Variants in SLC22A23 observed in about 807,000 individuals in gnomAD.
The protein encoded by SLC22A23 is ion transporter protein.
In SLC22A23, 26 loss-of-function variants were observed where a neutral mutation model predicts 61.0. That is an observed-to-expected ratio of 0.43 (90% CI 0.31 to 0.59). The LOEUF is 0.59. Among genes scored for constraint, SLC22A23 ranks in the 20% least tolerant of loss-of-function variants. SLC22A23 has a pLI of 0.11. For synonymous variants in SLC22A23, 430 were observed against 413.9 expected (o/e 1.04, Z -0.47); for missense variants, 796 against 934.7 (o/e 0.85, Z 1.94).
intron 8 of SLC22A23, 60 bp downstream of exon 8, chr6:3,285,019 A>G (rs1759846585): frequency 6.3e-7 from 1 of 1,598,246 alleles, no homozygotes; most frequent in Non-Finnish European, 8.5e-7. Flanking sequence ...GTCTTCGAGA[A>G]AACACCCATT....
chr6:3,349,505 G>A (rs1373358681), intron 3 of SLC22A23, among the ~76,000 whole-genome samples: 1 of 152,190 alleles, frequency 6.6e-6, no homozygotes, highest in African/African-American at 2.4e-5. Flanking sequence ...TGCAGGCCCT[G>A]AATTATTATA....
At chr6:3,398,454 A>ATTTT (rs1219591163) in intron 3 of SLC22A23, among the ~76,000 whole-genome samples, 1 of 127,248 alleles carries the variant, frequency 7.9e-6, no homozygotes, top group Non-Finnish European at 1.7e-5. Context: ...ACAAAGCACT[A>ATTTT]TTTTTTTTTT....
chr6:3,441,704 T>A (rs77008408), intron 1 of SLC22A23, among the ~76,000 whole-genome samples: 6,652 of 152,206 alleles, frequency 0.044, 209 homozygotes, highest in Non-Finnish European at 0.059. Context: ...ATGTGCTCGG[T>A]TCACCCCCCA....
At chr6:3,426,248 A>C (rs907660944) in intron 1 of SLC22A23, among the ~76,000 whole-genome samples, 1 of 152,250 alleles carries the variant, frequency 6.6e-6, no homozygotes, top group Non-Finnish European at 1.5e-5. Context: ...ATTCAGAATT[A>C]AAAAAGCTTA....
At position 3,273,538 on chromosome 6, in the gene SLC22A23, C is replaced by A. The variant is rs572039165; in HGVS notation, c.1704-126G>T. The A allele has an allele frequency of 4.7e-5, 46 of 977,982 alleles. No homozygotes were observed. In the African/African-American group the frequency reaches 6.4e-4, roughly 14 times the overall value. The allele number at this position is 977,982 out of a possible 1,614,324, so 60.6% of individuals were successfully genotyped here. A position where few individuals can be genotyped will look rare whatever the true frequency, so the allele number is the denominator to read the frequency against. Reference sequence around the variant, plus strand: ...GCTGCCCTGGGCACTGCCCAGTATACCCCGACCTCACACGTCCCATGTCAC... The same window carrying A: ...GCTGCCCTGGGCACTGCCCAGTATAACCCGACCTCACACGTCCCATGTCAC... On this transcript the variant is annotated intron_variant, in intron 9 of 9. Coordinates refer to ENST00000406686, the MANE Select transcript of SLC22A23 (RefSeq NM_015482.2).
Position 3,330,028 on chromosome 6 carries a change from C to T in SLC22A23, c.914-6026G>A, listed in dbSNP as rs1313321205. On this transcript the variant is annotated intron_variant, in intron 3 of 9. Transcript: ENST00000406686. The surrounding 1 kb of genome is among the most constrained non-coding windows in gnomAD (Gnocchi z 4.7). ...ATCCTCTCCCAAGGGGAAGCCTCTG[C>T]GAAGGCCGACTGGGCCACTAGGACA... Among the ~76,000 whole-genome samples the T allele has an allele frequency of 6.6e-6, 1 of 152,206 alleles. No individual in the cohort carries two copies. Among genetic ancestry groups the T allele is most frequent in the South Asian group, 2.1e-4 (1 of 4,828 alleles).
intron 4 of SLC22A23, chr6:3,302,842 G>A (rs1253048328): frequency 2.0e-5 from 3 of 151,640 alleles, no homozygotes; most frequent in Non-Finnish European, 2.9e-5. Context: ...GACTTGTTTT[G>A]TGTTCTACCA....
At chr6:3,375,838 A>G (rs1365644218) in intron 3 of SLC22A23, among the ~76,000 whole-genome samples, 1 of 152,214 alleles carries the variant, frequency 6.6e-6, no homozygotes, top group Non-Finnish European at 1.5e-5. Flanking sequence ...CTATCTATCA[A>G]CTGTCTCTAT....
intron 4 of SLC22A23, chr6:3,312,204 C>T (rs777713259): frequency 2.6e-5 from 4 of 152,130 alleles, no homozygotes; most frequent in South Asian, 2.1e-4. Flanking sequence ...ATATTATAAG[C>T]GGATGAATAC....
chr6:3,387,104 T>C lies in SLC22A23; in HGVS notation c.913+23084A>G, dbSNP rs1420923542. Among the ~76,000 whole-genome samples, 1 of 152,232 alleles carries C rather than the reference T, an allele frequency of 6.6e-6. No individual in the cohort carries two copies. Among genetic ancestry groups the C allele is most frequent in the Non-Finnish European group, 1.5e-5 (1 of 68,032 alleles). On this transcript the variant is annotated intron_variant, in intron 3 of 9. Coordinates refer to ENST00000406686, the MANE Select transcript of SLC22A23 (RefSeq NM_015482.2). This position sits in a 1 kb window ranked among gnomAD's most constrained non-coding sequence, Gnocchi z 5.0. ...GTAAACAGCAGTGTACCTAGCCACA[T>C]GGATTATCTGCCCTTCATAGCTGTG...
At chr6:3,445,240 C>G (rs1273114556) in intron 1 of SLC22A23, among the ~76,000 whole-genome samples, 1 of 152,126 alleles carries the variant, frequency 6.6e-6, no homozygotes, top group Admixed American at 6.5e-5. Context: ...ACTGTGTCCC[C>G]CAGGCTGGAG....
chr6:3,381,565 G>A (rs1209897434), intron 3 of SLC22A23, among the ~76,000 whole-genome samples: 2 of 152,106 alleles, frequency 1.3e-5, no homozygotes, highest in African/African-American at 2.4e-5. Flanking sequence ...AGAAGAGTGG[G>A]GACTCTCCAG....
intron 4 of SLC22A23, 31 bp downstream of exon 4, chr6:3,323,803 C>T (rs769784524): frequency 1.3e-6 from 2 of 1,588,216 alleles, no homozygotes; most frequent in South Asian, 2.2e-5. Flanking sequence ...GCAGTCGCAC[C>T]AGCCCAGGGC....
intron 3 of SLC22A23, among the ~76,000 whole-genome samples, chr6:3,362,810 C>G (rs1488140589): frequency 6.6e-6 from 1 of 152,016 alleles, no homozygotes; most frequent in African/African-American, 2.4e-5. Flanking sequence ...GAATGAAATG[C>G]AGACATTAAG....
chr6:3,391,920 A>C (rs1263491082), intron 3 of SLC22A23, among the ~76,000 whole-genome samples: 1 of 152,140 alleles, frequency 6.6e-6, no homozygotes, highest in Non-Finnish European at 1.5e-5. Context: ...GGAACTAAGG[A>C]GCAAGCAGGA....
chr6:3,410,102 C>T lies in SLC22A23; in HGVS notation c.913+86G>A. ...CAAAACTGCCAGCCCACACGAGCAG[C>T]ATGCACAGTATCTTTCCCAGAACCT... On this transcript the variant is annotated intron_variant, in intron 3 of 9. Transcript: ENST00000406686. The surrounding 1 kb of genome is among the most constrained non-coding windows in gnomAD (Gnocchi z 5.0). 3.4e-6 allele frequency: 5 copies of T among 1,468,422 alleles called. No individual in the cohort carries two copies. The South Asian group carries it at 4.1e-5, about 12-fold the overall frequency. The allele number at this position is 1,468,422 out of a possible 1,614,324, so 91.0% of individuals were successfully genotyped here.
At chr6:3,295,543 G>A (rs1581635303) in intron 5 of SLC22A23, among the ~76,000 whole-genome samples, 2 of 152,320 alleles carry the variant, frequency 1.3e-5, no homozygotes, top group South Asian at 2.1e-4. Flanking sequence ...CAGGGAGGAT[G>A]GAACAAAGCT....
intron 3 of SLC22A23, among the ~76,000 whole-genome samples, chr6:3,409,220 G>A (rs1769040770): frequency 6.6e-6 from 1 of 152,240 alleles, no homozygotes; most frequent in South Asian, 2.1e-4. Flanking sequence ...AAACATTGAT[G>A]ACAAAACGGC....
At chr6:3,398,454 A>ATTT (rs1219591163) in intron 3 of SLC22A23, among the ~76,000 whole-genome samples, 11 of 127,240 alleles carry the variant, frequency 8.6e-5, no homozygotes, top group African/African-American at 2.6e-4. Flanking sequence ...ACAAAGCACT[A>ATTT]TTTTTTTTTT....
Sources: allele counts gnomAD v4.1 joint callset (sites outside exome capture counted in the v4.1 genomes callset), GRCh38; gene constraint gnomAD v4.1.1; non-coding constraint Gnocchi (gnomAD v3.1); transcripts MANE v1.5; gene names NCBI Gene and HGNC (gene_info 2026-07-23, HGNC 2026-07-21).